CLASP1: variants seen among roughly 807,000 people sequenced by gnomAD.
CLASP1 encodes the protein CLIP-associating protein 1.
Under a neutral mutation model 192.3 loss-of-function variants are expected in CLASP1, and 38 were observed. The observed-to-expected ratio is 0.20, with a 90% CI of 0.15 to 0.26. The LOEUF (loss-of-function observed/expected upper bound fraction) is 0.26, where lower values mean the gene tolerates loss of function less well. Ranked by LOEUF, CLASP1 falls within the 10% of genes least tolerant of loss-of-function variation. The probability of loss-of-function intolerance (pLI) is 1.00; values close to 1 mark genes in which losing one functional copy is unlikely to be tolerated. For missense variants in CLASP1, 1,433 were observed against 1,932.5 expected, an observed-to-expected ratio of 0.74 and a Z score of 4.85; for synonymous variants, 691 against 712.8, an observed-to-expected ratio of 0.97 and a Z score of 0.49.
intron 1 of CLASP1, among the ~76,000 whole-genome samples, chr2:121,608,477 G>A (rs1369680256): frequency 6.6e-6 from 1 of 152,198 alleles, no homozygotes; most frequent in Non-Finnish European, 1.5e-5. Context: ...GGACGGCCAT[G>A]CTGTAAGGAA....
At chr2:121,572,446 C>T (rs1483177397) in intron 2 of CLASP1, among the ~76,000 whole-genome samples, 2 of 151,988 alleles carry the variant, frequency 1.3e-5, no homozygotes, top group Non-Finnish European at 2.9e-5. Flanking sequence ...AAAAAGACGA[C>T]ATTTTCTTCA....
At chr2:121,459,839 A>G in intron 12 of CLASP1, 141 bp downstream of exon 12, 1 of 627,738 alleles carries the variant, frequency 1.6e-6, no homozygotes, top group Non-Finnish European at 2.5e-6. Flanking sequence ...AACTACTGAA[A>G]GAAGTGTTAA....
At chr2:121,607,169 C>G (rs1247951316) in intron 1 of CLASP1, among the ~76,000 whole-genome samples, 1 of 152,054 alleles carries the variant, frequency 6.6e-6, no homozygotes, top group African/African-American at 2.4e-5. Flanking sequence ...TGGTGAAACC[C>G]TGTCTCTAAA....
rs188324945 is a variant in CLASP1, at chr2:121,340,794, G to A, written c.*67C>T. On this transcript the variant is annotated 3_prime_UTR_variant, in exon 40 of 40. Coordinates refer to ENST00000263710, the Ensembl canonical transcript of CLASP1. ...ACTGACTGGGCAGCCGATGAAGGGGGTGGGGAAAGGTCTCTGAGAGGCACC... is the reference window on the plus strand; with the variant it reads ...ACTGACTGGGCAGCCGATGAAGGGGATGGGGAAAGGTCTCTGAGAGGCACC... 12 of 1,193,398 alleles carry A rather than the reference G, an allele frequency of 1.0e-5. No homozygotes were observed. The Admixed American group carries it at 1.2e-4, about 12-fold the overall frequency. 73.9% of individuals were successfully genotyped at this position (1,193,398 alleles called of 1,614,324 possible).
chr2:121,391,090 G>A (rs978951327), intron 30 of CLASP1, among the ~76,000 whole-genome samples: 3 of 151,954 alleles, frequency 2.0e-5, no homozygotes, highest in African/African-American at 7.3e-5. Context: ...CAACACAAAC[G>A]TCGACACAGG....
At chr2:121,491,942 C>T (rs2093328415) in intron 8 of CLASP1, among the ~76,000 whole-genome samples, 1 of 152,146 alleles carries the variant, frequency 6.6e-6, no homozygotes, top group African/African-American at 2.4e-5. Flanking sequence ...TTGATAAATC[C>T]TTATTATTTC....
At chr2:121,357,505 G>C (rs1483486856) in intron 37 of CLASP1, among the ~76,000 whole-genome samples, 1 of 152,132 alleles carries the variant, frequency 6.6e-6, no homozygotes, top group East Asian at 1.9e-4. Flanking sequence ...GGCAAAAGCA[G>C]CATGTGAACC....
At chr2:121,478,886 A>ACC (rs2092214394) in intron 8 of CLASP1, among the ~76,000 whole-genome samples, 1 of 40,530 alleles carries the variant, frequency 2.5e-5, no homozygotes, top group African/African-American at 1.2e-4. Context: ...CCACACACAC[A>ACC]CCACACACAC....
chr2:121,633,893 G>A (rs945432442), intron 1 of CLASP1, among the ~76,000 whole-genome samples: 3 of 151,874 alleles, frequency 2.0e-5, no homozygotes, highest in Non-Finnish European at 4.4e-5. Context: ...TGTAGTCCCC[G>A]CTACTCGGTA....
At chr2:121,528,875 C>T in intron 3 of CLASP1, 95 bp from the exon 4 acceptor site, 1 of 910,486 alleles carries the variant, frequency 1.1e-6, no homozygotes, top group East Asian at 2.4e-5. Flanking sequence ...AAGACAAACC[C>T]CTGACCTAAA....
At chr2:121,492,496 A>C (rs1417124970) in intron 8 of CLASP1, among the ~76,000 whole-genome samples, 1 of 151,974 alleles carries the variant, frequency 6.6e-6, no homozygotes, top group Non-Finnish European at 1.5e-5. Flanking sequence ...CAAAAAGATA[A>C]ACAATTCGAT....
intron 8 of CLASP1, among the ~76,000 whole-genome samples, chr2:121,480,248 A>T (rs532935624): frequency 1.3e-5 from 2 of 152,324 alleles, no homozygotes; most frequent in East Asian, 3.9e-4. Context: ...GAAACTGGAG[A>T]GGTAAATGAA....
At chr2:121,455,126 G>C (rs993269214) in intron 14 of CLASP1, among the ~76,000 whole-genome samples, 4 of 152,154 alleles carry the variant, frequency 2.6e-5, no homozygotes, top group African/African-American at 9.7e-5. Context: ...CCTAGGTCAA[G>C]GGTAGATTGC....
rs141088418 is a variant in CLASP1, at chr2:121,377,187, G to T, written c.3642+312C>A. On this transcript the variant is annotated intron_variant, in intron 34 of 39. Coordinates refer to ENST00000263710, the Ensembl canonical transcript of CLASP1. ...TAAATACAGTTAACAACAGTTTATT[G>T]TGTATTTCCAAAACACTAGAAGAGA... Among the ~76,000 whole-genome samples, 165 of 152,224 alleles carry T rather than the reference G, an allele frequency of 1.1e-3. 2 individuals are homozygous for T. Among genetic ancestry groups the T allele is most frequent in the African/African-American group, 3.4e-3 (142 of 41,518 alleles).
chr2:121,520,318 G>A (rs1021503151), intron 6 of CLASP1, among the ~76,000 whole-genome samples: 2 of 152,212 alleles, frequency 1.3e-5, no homozygotes, highest in African/African-American at 4.8e-5. Context: ...GGACAGGGAA[G>A]CAGTCTATAA....
exon 20 of CLASP1, chr2:121,430,097 C>A: frequency 6.4e-7 from 1 of 1,570,596 alleles, no homozygotes; most frequent in Non-Finnish European, 8.6e-7. Context: ...ACCACTTTAG[C>A]GCGACTGCGG....
At chr2:121,524,531 A>G (rs1184611554) in intron 6 of CLASP1, among the ~76,000 whole-genome samples, 2 of 151,048 alleles carry the variant, frequency 1.3e-5, no homozygotes, top group East Asian at 3.9e-4. Context: ...ATCTTGGCTC[A>G]CTGTAACCTC....
At chr2:121,482,886 C>T (rs1003674635) in intron 8 of CLASP1, among the ~76,000 whole-genome samples, 1 of 152,130 alleles carries the variant, frequency 6.6e-6, no homozygotes, top group Non-Finnish European at 1.5e-5. Context: ...CTCAAACTCT[C>T]CCCAGGACCG....
At chr2:121,430,976 T>A (rs868769223) in intron 19 of CLASP1, among the ~76,000 whole-genome samples, 1,768 of 140,388 alleles carry the variant, frequency 0.013, 27 homozygotes, top group Admixed American at 0.044. Flanking sequence ...GATTAAACTT[T>A]AAAAAAAAAA....
Sources: allele counts gnomAD v4.1 joint callset (sites outside exome capture counted in the v4.1 genomes callset), GRCh38; gene constraint gnomAD v4.1.1; transcripts MANE v1.5; gene names NCBI Gene and HGNC (gene_info 2026-07-23, HGNC 2026-07-21).